The following KCNN2 variants were observed in gnomAD, a reference collection of about 807,000 sequenced individuals.
The protein encoded by KCNN2 is small conductance calcium-activated potassium channel protein 2.
KCNN2 carries 24 observed loss-of-function variants against 55.5 expected under a neutral mutation model. That is an observed-to-expected ratio of 0.43 (90% confidence interval 0.31 to 0.61). The LOEUF is 0.61. Among genes scored for constraint, KCNN2 ranks in the 20% least tolerant of loss-of-function variants. The probability of loss-of-function intolerance (pLI) is 0.08; values close to 1 mark genes in which losing one functional copy is unlikely to be tolerated. For missense variants in KCNN2, 754 were observed against 853.6 expected (o/e 0.88, Z 1.45); for synonymous variants, 431 against 336.1 (o/e 1.28, Z -3.09).
intron 2 of KCNN2, among the ~76,000 whole-genome samples, chr5:114,266,378 G>C (rs1194214775): frequency 6.6e-6 from 1 of 152,134 alleles, no homozygotes; most frequent in Non-Finnish European, 1.5e-5. Flanking sequence ...GAGGGTTTGG[G>C]AGAAAGAGCA....
At chr5:114,323,368 G>A (rs1756649018) in intron 2 of KCNN2, among the ~76,000 whole-genome samples, 1 of 152,058 alleles carries the variant, frequency 6.6e-6, no homozygotes, top group Non-Finnish European at 1.5e-5. Flanking sequence ...AATAATAAGA[G>A]TGTACTCATT....
chr5:114,440,510 C>T (rs1222334727), intron 3 of KCNN2, among the ~76,000 whole-genome samples: 1 of 152,008 alleles, frequency 6.6e-6, no homozygotes, highest in African/African-American at 2.4e-5. Context: ...AAAAATAGCC[C>T]TCTGGATAAA....
At chr5:114,291,512 C>A (rs1235797029) in intron 2 of KCNN2, among the ~76,000 whole-genome samples, 1 of 152,166 alleles carries the variant, frequency 6.6e-6, no homozygotes, top group African/African-American at 2.4e-5. Context: ...CTACAAAGGA[C>A]ATGAACTTGT....
At chr5:114,296,292 T>A (rs1311414780) in intron 2 of KCNN2, among the ~76,000 whole-genome samples, 2 of 152,204 alleles carry the variant, frequency 1.3e-5, no homozygotes, top group African/African-American at 4.8e-5. Flanking sequence ...CCTGGTGGCA[T>A]CTTGGGCCCA....
At position 114,362,491 on chromosome 5, in the gene KCNN2, TC is replaced by T; in HGVS notation, c.353del (p.Ser118CysfsTer10). The T allele has an allele frequency of 2.2e-6, 1 of 458,740 alleles. No individual in the cohort carries two copies. The allele number at this position is 458,740 out of a possible 1,614,324, so 28.4% of individuals were successfully genotyped here. On this transcript the variant is annotated frameshift_variant, in exon 1 of 8. Transcript: ENST00000673685. LOFTEE classifies it high-confidence loss of function. ...CTCGTCCTGCTGCTGCTGCTGCTGCTCGTCGCGCCGGGGCAGCCAGCTCAAT... is the reference window on the plus strand; with the variant it reads ...CTCGTCCTGCTGCTGCTGCTGCTGCTGTCGCGCCGGGGCAGCCAGCTCAAT... The part of the protein sequence containing the change: ...SGSSCCCCCC[S>X]SRRGSQLNVS...
chr5:114,291,746 G>C (rs954679217), intron 2 of KCNN2, among the ~76,000 whole-genome samples: 3 of 152,184 alleles, frequency 2.0e-5, no homozygotes, highest in African/African-American at 7.2e-5. Context: ...TCTAGTTCTA[G>C]ATCCCTGAGG....
intron 4 of KCNN2, among the ~76,000 whole-genome samples, chr5:114,467,043 A>G (rs1473630140): frequency 1.3e-5 from 2 of 152,198 alleles, no homozygotes; most frequent in East Asian, 3.8e-4. Context: ...TTTCCTTAAG[A>G]TTTGATAATA....
chr5:114,107,860 C>T (rs1209287862), intron 1 of KCNN2, among the ~76,000 whole-genome samples: 1 of 151,846 alleles, frequency 6.6e-6, no homozygotes, highest in Non-Finnish European at 1.5e-5. Flanking sequence ...ATAATATAAA[C>T]CTTCACTTGT....
intron 2 of KCNN2, among the ~76,000 whole-genome samples, chr5:114,319,042 A>G (rs1171660144): frequency 6.6e-6 from 1 of 152,112 alleles, no homozygotes; most frequent in Non-Finnish European, 1.5e-5. Flanking sequence ...CCCAACGTAC[A>G]CAGACCTCTG....
At position 114,300,075 on chromosome 5, in the gene KCNN2, C is replaced by T. The variant is rs532111370; in HGVS notation, c.-184-60870C>T. Among the ~76,000 whole-genome samples the T allele has an allele frequency of 7.2e-5, 11 of 152,156 alleles. No homozygotes were observed. The South Asian group carries it at 2.3e-3, about 32-fold the overall frequency. On this transcript the variant is annotated intron_variant, in intron 2 of 10. Coordinates refer to the KCNN2 transcript ENST00000512097. ...AGATACTCAGCCCTCCTACCCTCTT[C>T]ATAGTCAGACGCTCCTTTCCCTTCT... is the stretch of plus-strand genomic sequence containing the variant.
At chr5:114,279,144 T>G (rs1255432336) in intron 2 of KCNN2, among the ~76,000 whole-genome samples, 1 of 152,168 alleles carries the variant, frequency 6.6e-6, no homozygotes, top group Non-Finnish European at 1.5e-5. Context: ...CCTTGCCATT[T>G]GTTTGCTAAT....
intron 2 of KCNN2, among the ~76,000 whole-genome samples, chr5:114,323,935 T>G (rs78334133): frequency 6.6e-6 from 1 of 152,008 alleles, no homozygotes; most frequent in African/African-American, 2.4e-5. Context: ...GCACCCAGCC[T>G]GTCAAATATT....
chr5:114,241,751 T>TACAC (rs1491525723), intron 2 of KCNN2, among the ~76,000 whole-genome samples: 1 of 6,952 alleles, frequency 1.4e-4, no homozygotes, highest in African/African-American at 4.8e-4. Context: ...CGTATATATA[T>TACAC]GTATATATAT....
chr5:114,456,384 T>A (rs1395052925), intron 3 of KCNN2, among the ~76,000 whole-genome samples: 1 of 152,318 alleles, frequency 6.6e-6, no homozygotes, highest in East Asian at 1.9e-4. Context: ...TGAGTTCTGT[T>A]GCTCAAAACA....
Position 114,496,129 on chromosome 5 carries a change from A to T in KCNN2, c.2323A>T (p.Arg775Trp), listed in dbSNP as rs761122529. 2.5e-5 allele frequency: 41 copies of T among 1,614,062 alleles called. No homozygotes were observed. The highest frequency in any genetic ancestry group is 3.3e-5 in the Non-Finnish European group (39 of 1,179,980). The change falls in exon 8 of 8, where the codon AGG becomes TGG. Residue 775 changes from arginine to tryptophan, a missense_variant. This residue lies in a region of KCNN2 where 164 missense variants were observed against 156.6 expected (regional missense o/e 1.05). Transcript: ENST00000673685. ...YNAERSRSSS[R>W]RRRSSSTAPP... ...TGCTGAGCGGTCCCGGTCCTCGTCC[A>T]GGAGGCGGCGGTCCTCTTCCACAGC...
At chr5:114,396,424 T>C (rs1438699476) in intron 2 of KCNN2, among the ~76,000 whole-genome samples, 1 of 152,146 alleles carries the variant, frequency 6.6e-6, no homozygotes, top group African/African-American at 2.4e-5. Flanking sequence ...TAAATGGATA[T>C]TTTTAAACTT....
intron 2 of KCNN2, among the ~76,000 whole-genome samples, chr5:114,394,361 A>G (rs1758552836): frequency 6.6e-6 from 1 of 152,126 alleles, no homozygotes; most frequent in South Asian, 2.1e-4. Context: ...ATGTTTAAGA[A>G]CTTTTATGTA....
chr5:114,457,828 T>G (rs1761000020), intron 3 of KCNN2, among the ~76,000 whole-genome samples: 1 of 152,182 alleles, frequency 6.6e-6, no homozygotes, highest in South Asian at 2.1e-4. Context: ...GTCATTAAAG[T>G]GGGGGCCATT....
chr5:114,123,645 G>GTA (rs1751871820), intron 1 of KCNN2, among the ~76,000 whole-genome samples: 3 of 63,546 alleles, frequency 4.7e-5, no homozygotes, highest in African/African-American at 1.0e-4. Context: ...TTACAGGCGT[G>GTA]AGCCACCGCG....
Sources: allele counts gnomAD v4.1 joint callset (sites outside exome capture counted in the v4.1 genomes callset), GRCh38; gene constraint gnomAD v4.1.1; regional missense constraint gnomAD v4.1.1; transcripts MANE v1.5; gene names NCBI Gene and HGNC (gene_info 2026-07-23, HGNC 2026-07-21).